The following RSF1 variants were observed in gnomAD, a reference collection of about 807,000 sequenced individuals.
RSF1 encodes HBV pX-associated protein 8.
In RSF1, 13 loss-of-function variants were observed where a neutral mutation model predicts 145.2. That is an observed-to-expected ratio of 0.09 (90% confidence interval 0.06 to 0.14). The LOEUF is 0.14. Among genes scored for constraint, RSF1 ranks in the 10% least tolerant of loss-of-function variants. The pLI is 1.00. For missense variants in RSF1, 1,517 were observed against 1,718.2 expected, an observed-to-expected ratio of 0.88 and a Z score of 2.07; for synonymous variants, 577 against 592.6, an observed-to-expected ratio of 0.97 and a Z score of 0.38.
At chr11:77,702,787 A>G (rs1230248286) in intron 5 of RSF1, 1 of 219,220 alleles carries the variant, frequency 4.6e-6, no homozygotes, top group Non-Finnish European at 8.8e-6. Flanking sequence ...CAAATAATTT[A>G]TTCAAATTCA....
At chr11:77,761,069 G>A (rs935822975) in intron 2 of RSF1, among the ~76,000 whole-genome samples, 24 of 151,880 alleles carry the variant, frequency 1.6e-4, no homozygotes, top group Non-Finnish European at 3.2e-4. Flanking sequence ...CTCAGCCTCC[G>A]GAGTAGCTGG....
intron 12 of RSF1, 121 bp downstream of exon 12, chr11:77,677,965 G>T: frequency 5.7e-6 from 4 of 704,792 alleles, no homozygotes; most frequent in South Asian, 3.5e-5. Context: ...ACTAACATCA[G>T]TACTAATCAT....
Position 77,730,666 on chromosome 11 carries a change from G to A in RSF1, c.579-4967C>T, listed in dbSNP as rs183935648. 5.9e-5 allele frequency among the ~76,000 whole-genome samples: 9 copies of A among 152,308 alleles called. No homozygotes were observed. The East Asian group carries it at 1.2e-3, about 20-fold the overall frequency. ...CCCACAATTCCCACGTGTTGTGGGA[G>A]GAACCCAGTGGGAGGTGATTGAATT... On this transcript the variant is annotated intron_variant, in intron 4 of 15. Coordinates refer to ENST00000308488, the MANE Select transcript of RSF1 (RefSeq NM_016578.4).
chr11:77,706,867 C>T (rs1251383683), intron 5 of RSF1, among the ~76,000 whole-genome samples: 1 of 152,062 alleles, frequency 6.6e-6, no homozygotes, highest in Non-Finnish European at 1.5e-5. Context: ...ACTAAAATAA[C>T]AGGCACAATC....
the RSF1 span, among the ~76,000 whole-genome samples, chr11:77,863,801 C>A: frequency 6.6e-6 from 1 of 152,098 alleles, no homozygotes; most frequent in Non-Finnish European, 1.5e-5. Flanking sequence ...AGGTGTGAGC[C>A]TCTCTGCCTA....
In RSF1 at chr11:77,702,370, C is replaced by T; in HGVS notation, c.859G>A (p.Val287Met). 1.9e-6 allele frequency: 3 copies of T among 1,611,246 alleles called. No individual in the cohort carries two copies. The highest frequency in any genetic ancestry group is 2.5e-6 in the Non-Finnish European group (3 of 1,179,394). Residue 287 changes from valine (V) to methionine (M), a missense_variant, in exon 6 of 16, where the codon GTG becomes ATG. Val to Met is a conservative substitution (Grantham distance 21, BLOSUM62 1). Coordinates refer to ENST00000308488, the MANE Select transcript of RSF1 (RefSeq NM_016578.4). ...AGCTTCACTATGACTGGCAGTTTCA[C>T]AAGTTCCTTTTCATCTTCTTTTTCT... ...KKEKEDEKEL[V>M]KLPVIVKLEK...
chr11:77,796,771 A>C (rs1948576679), intron 1 of RSF1, among the ~76,000 whole-genome samples: 2 of 152,154 alleles, frequency 1.3e-5, no homozygotes, highest in Admixed American at 1.3e-4. Flanking sequence ...CATCGTCTCA[A>C]TCCAAAATCT....
intron 1 of RSF1, among the ~76,000 whole-genome samples, chr11:77,791,671 T>G (rs1948518775): frequency 6.6e-6 from 1 of 152,178 alleles, no homozygotes; most frequent in African/African-American, 2.4e-5. Context: ...AAGTTCAAAG[T>G]TCCACAAATC....
rs1960435960 is a variant in RSF1 at position 77,701,941 on chromosome 11, T to C, written c.1288A>G (p.Thr430Ala). 2.5e-6 allele frequency: 4 copies of C among 1,613,714 alleles called. No homozygotes were observed. The highest frequency in any genetic ancestry group is 1.7e-6 in the Non-Finnish European group (2 of 1,179,892). ...CCTTCATGACCCAAAGCAGTGATTG[T>C]AGAGATCCTTTTACAAGTCTCTTCC... ...QEEETCKRISTITALGHEGKQ... is the reference protein window; with the variant it reads ...QEEETCKRISAITALGHEGKQ... The change falls in exon 6 of 16, where the codon ACA becomes GCA. Residue 430 changes from threonine to alanine, a missense_variant. Around this residue, in one of 12 missense-constraint regions of RSF1, gnomAD observed 579 missense variants for 553.5 expected, o/e 1.05. Transcript: ENST00000308488.
At position 77,676,781 on chromosome 11, in the gene RSF1, A is replaced by C. The variant is rs746462940; in HGVS notation, c.3341+11T>G. ...TATCTAGGGATCGGGGCCTAGTAGG[A>C]GACCACACACCCATCACTGATCTTG... On this transcript the variant is annotated intron_variant, in intron 13 of 15. Transcript: ENST00000308488. The C allele has an allele frequency of 3.7e-6, 6 of 1,610,408 alleles. No individual in the cohort carries two copies.
chr11:77,711,898 T>C (rs928549546), intron 5 of RSF1, among the ~76,000 whole-genome samples: 7 of 152,172 alleles, frequency 4.6e-5, no homozygotes, highest in Admixed American at 2.6e-4. Flanking sequence ...CTCCAACCCT[T>C]AGTCTCCTCC....
Position 77,715,632 on chromosome 11 carries a change from G to A in RSF1, c.733+9913C>T, listed in dbSNP as rs536959316. 3.3e-5 allele frequency among the ~76,000 whole-genome samples: 5 copies of A among 152,130 alleles called. No homozygotes were observed. In the East Asian group the frequency reaches 7.7e-4, roughly 23 times the overall value. On this transcript the variant is annotated intron_variant, in intron 5 of 15. Transcript: ENST00000308488. ...CCAGCTAATTTTTGTAATTTTAGTAGAGACGGGGTTTCACAATGTTGGCCA... is the reference window on the plus strand; with the variant it reads ...CCAGCTAATTTTTGTAATTTTAGTAAAGACGGGGTTTCACAATGTTGGCCA...
At chr11:77,860,957 G>A in the RSF1 span, among the ~76,000 whole-genome samples, 3 of 152,220 alleles carry the variant, frequency 2.0e-5, no homozygotes, top group East Asian at 3.9e-4. Context: ...GTATTGCAGG[G>A]GCTATTGCAT....
intron 4 of RSF1, among the ~76,000 whole-genome samples, chr11:77,725,916 TC>T (rs750100247): frequency 1.5e-4 from 23 of 152,186 alleles, no homozygotes; most frequent in Non-Finnish European, 2.6e-4. Flanking sequence ...TAGATTTTCC[TC>T]TCTACTGATT....
Position 77,688,889 on chromosome 11 carries a change from G to GGTA in RSF1, c.2900+2267_2900+2269dup, listed in dbSNP as rs1565148909. Among the ~76,000 whole-genome samples, 4 of 152,100 alleles carry GGTA rather than the reference G, an allele frequency of 2.6e-5. No individual in the cohort carries two copies. In the South Asian group the frequency reaches 8.3e-4, roughly 31 times the overall value. ...ATTACGAGCCAGAGTGCTCAAACTG[G>GGTA]GTAGTAAAAAAAACAAAACCTTTAG... On this transcript the variant is annotated intron_variant, in intron 9 of 15. Transcript: ENST00000308488.
chr11:77,771,485 C>T (rs910819803), intron 1 of RSF1, among the ~76,000 whole-genome samples: 1 of 152,122 alleles, frequency 6.6e-6, no homozygotes, highest in African/African-American at 2.4e-5. Context: ...GATGCTGCTA[C>T]AGAAGGGAGC....
upstream of RSF1, among the ~76,000 whole-genome samples, chr11:77,821,430 G>A (rs1411486217): frequency 6.6e-6 from 1 of 152,182 alleles, no homozygotes; most frequent in Non-Finnish European, 1.5e-5. Flanking sequence ...CTCTGTGGAA[G>A]TTTGCCGACG....
At chr11:77,705,904 C>T (rs1960537181) in intron 5 of RSF1, among the ~76,000 whole-genome samples, 1 of 152,022 alleles carries the variant, frequency 6.6e-6, no homozygotes, top group African/African-American at 2.4e-5. Flanking sequence ...AAAAAACCCA[C>T]CACACAAATA....
chr11:77,786,013 G>C (rs1590886309), intron 1 of RSF1, among the ~76,000 whole-genome samples: 1 of 138,324 alleles, frequency 7.2e-6, no homozygotes, highest in East Asian at 2.2e-4. Flanking sequence ...AGAAACATCT[G>C]CATATCATAT....
Sources: allele counts gnomAD v4.1 joint callset (sites outside exome capture counted in the v4.1 genomes callset), GRCh38; gene constraint gnomAD v4.1.1; regional missense constraint gnomAD v4.1.1; transcripts MANE v1.5; gene names NCBI Gene and HGNC (gene_info 2026-07-23, HGNC 2026-07-21).